The following MSTO1 variants were observed in gnomAD, a reference collection of about 807,000 sequenced individuals.
The protein encoded by MSTO1 is protein misato homolog 1.
In MSTO1, 24 loss-of-function variants were observed where a neutral mutation model predicts 55.7. The observed-to-expected ratio is 0.43, with a 90% CI of 0.31 to 0.61. The LOEUF (loss-of-function observed/expected upper bound fraction) is 0.61, where lower values mean the gene tolerates loss of function less well. MSTO1 is among the 20% of genes least tolerant of loss of function. The pLI is 0.09. For synonymous variants in MSTO1, 162 were observed against 252.8 expected (o/e 0.64, Z 3.41); for missense variants, 363 against 625.7 (o/e 0.58, Z 4.48).
the MSTO1 span, among the ~76,000 whole-genome samples, chr1:155,575,118 C>T: frequency 1.3e-5 from 2 of 151,626 alleles, no homozygotes; most frequent in Non-Finnish European, 2.9e-5. Flanking sequence ...TCACTCGCCT[C>T]AGCTTCCTAA....
Position 155,613,533 on chromosome 1 carries a change from A to C in MSTO1, c.1355A>C (p.Gln452Pro), listed in dbSNP as rs772724597. The C allele has an allele frequency of 3.1e-6, 5 of 1,613,100 alleles. No homozygotes were observed. The highest frequency in any genetic ancestry group is 4.2e-6 in the Non-Finnish European group (5 of 1,179,670). The change falls in exon 12 of 14, where the codon CAG (glutamine) becomes CCG (proline). Residue 452 changes from glutamine (Q) to proline (P), a missense_variant. Around this residue, in one of 3 missense-constraint regions of MSTO1, gnomAD observed 231 missense variants for 286.9 expected, o/e 0.81. Coordinates refer to ENST00000245564, the MANE Select transcript of MSTO1 (RefSeq NM_018116.4). ...ACCACTGGGGAAGAAATCTTGGCTC[A>C]GTATTTACAACAGCAGCAGCCTGGA... ...ACTTGEEILA[Q>P]YLQQQQPGVM... is the part of the protein sequence containing the mutation.
chr1:155,591,237 A>C, the MSTO1 span: 4 of 1,609,428 alleles, frequency 2.5e-6, no homozygotes, highest in Non-Finnish European at 3.4e-6. Context: ...GACGACTCCC[A>C]GGATCTGCAT....
the MSTO1 span, among the ~76,000 whole-genome samples, chr1:155,600,889 T>A: frequency 2.6e-5 from 4 of 151,352 alleles, no homozygotes; most frequent in Non-Finnish European, 5.9e-5. Context: ...CGTTAGCCAG[T>A]ATGGTCTCGA....
chr1:155,574,620 G>T, the MSTO1 span, among the ~76,000 whole-genome samples: 1 of 152,118 alleles, frequency 6.6e-6, no homozygotes, highest in South Asian at 2.1e-4. Flanking sequence ...AGGCTGGAGT[G>T]CAGTGGTGCA....
the MSTO1 span, chr1:155,602,091 A>T: frequency 1.4e-6 from 1 of 695,408 alleles, no homozygotes; most frequent in Non-Finnish European, 2.7e-6. Flanking sequence ...TGGGTGAAAA[A>T]TTGCCGGGAT....
chr1:155,605,148 C>A, the MSTO1 span, among the ~76,000 whole-genome samples: 1 of 152,028 alleles, frequency 6.6e-6, no homozygotes, highest in Non-Finnish European at 1.5e-5. Flanking sequence ...GTAATCCCAG[C>A]TACTCGGGAG....
At chr1:155,599,929 G>A in the MSTO1 span, among the ~76,000 whole-genome samples, 2 of 152,226 alleles carry the variant, frequency 1.3e-5, no homozygotes, top group African/African-American at 2.4e-5. Context: ...GCCCTAAGGC[G>A]GTTTTTCCCT....
chr1:155,584,916 TTTTG>T, the MSTO1 span, among the ~76,000 whole-genome samples: 30,297 of 147,318 alleles, frequency 0.21, 3,894 homozygotes, highest in East Asian at 0.71. Flanking sequence ...TTTTTTTTTG[TTTTG>T]TTTGTTTGTT....
chr1:155,572,284 G>T, the MSTO1 span, among the ~76,000 whole-genome samples: 2 of 152,104 alleles, frequency 1.3e-5, no homozygotes, highest in Non-Finnish European at 2.9e-5. Context: ...AACATTCATT[G>T]TCAAATGTTG....
At chr1:155,578,111 A>T in the MSTO1 span, among the ~76,000 whole-genome samples, 2 of 152,210 alleles carry the variant, frequency 1.3e-5, no homozygotes, top group East Asian at 3.9e-4. Flanking sequence ...TAAAAAAAGG[A>T]CTGGTGATTT....
the MSTO1 span, among the ~76,000 whole-genome samples, chr1:155,567,102 T>G: frequency 1.3e-5 from 2 of 151,942 alleles, no homozygotes; most frequent in South Asian, 4.1e-4. Context: ...CGAGTTATGG[T>G]AAATGCTATG....
At chr1:155,585,718 A>G in the MSTO1 span, among the ~76,000 whole-genome samples, 1 of 152,150 alleles carries the variant, frequency 6.6e-6, no homozygotes, top group South Asian at 2.1e-4. Flanking sequence ...TATAATACAC[A>G]TGTTATAAAA....
chr1:155,600,975 CTTTT>C, the MSTO1 span, among the ~76,000 whole-genome samples: 1 of 119,132 alleles, frequency 8.4e-6, no homozygotes, highest in African/African-American at 3.4e-5. Context: ...TGTGCTAGGC[CTTTT>C]TTTTTTTTTT....
the MSTO1 span, among the ~76,000 whole-genome samples, chr1:155,600,522 T>A: frequency 6.6e-6 from 1 of 152,200 alleles, no homozygotes; most frequent in South Asian, 2.1e-4. Flanking sequence ...GTCCCTTTTT[T>A]GTTAAATATT....
At chr1:155,573,156 T>G in the MSTO1 span, among the ~76,000 whole-genome samples, 1 of 152,186 alleles carries the variant, frequency 6.6e-6, no homozygotes, top group South Asian at 2.1e-4. Flanking sequence ...TGGTTATCAC[T>G]CTTGGCTGCA....
At chr1:155,564,473 A>G in the MSTO1 span, among the ~76,000 whole-genome samples, 1 of 152,220 alleles carries the variant, frequency 6.6e-6, no homozygotes, top group African/African-American at 2.4e-5. Flanking sequence ...CAGCCTGGGC[A>G]ACAAGAGCGA....
upstream of MSTO1, among the ~76,000 whole-genome samples, chr1:155,605,592 T>C (rs1446006767): frequency 6.6e-6 from 1 of 152,194 alleles, no homozygotes; most frequent in Non-Finnish European, 1.5e-5. Flanking sequence ...GCTTGAGTCC[T>C]GGAGTTCGTG....
the MSTO1 span, among the ~76,000 whole-genome samples, chr1:155,566,988 C>T: frequency 6.6e-6 from 1 of 152,138 alleles, no homozygotes; most frequent in Non-Finnish European, 1.5e-5. Context: ...GGGATCCTAC[C>T]GCTGCCTCAG....
At chr1:155,565,295 CAA>C in the MSTO1 span, among the ~76,000 whole-genome samples, 7 of 53,580 alleles carry the variant, frequency 1.3e-4, no homozygotes, top group Non-Finnish European at 1.9e-4. Flanking sequence ...AACTCCTTCT[CAA>C]AAAAAAAAAA....
Sources: allele counts gnomAD v4.1 joint callset (sites outside exome capture counted in the v4.1 genomes callset), GRCh38; gene constraint gnomAD v4.1.1; regional missense constraint gnomAD v4.1.1; transcripts MANE v1.5; gene names NCBI Gene and HGNC (gene_info 2026-07-23, HGNC 2026-07-21).